Variants in WBP1L observed in about 807,000 individuals in gnomAD.
WBP1L encodes WW domain binding protein 1 like.
Under a neutral mutation model 33.7 loss-of-function variants are expected in WBP1L, and 17 were observed. That is an observed-to-expected ratio of 0.50 (90% CI 0.34 to 0.76). WBP1L has a LOEUF of 0.76. WBP1L is among the 30% of genes least tolerant of loss of function. The pLI is 0.01. For synonymous variants in WBP1L, 173 were observed against 190.8 expected (o/e 0.91, Z 0.77); for missense variants, 389 against 469.4 (o/e 0.83, Z 1.58).
chr10:102,804,827 G>T (rs551338307), intron 2 of WBP1L, among the ~76,000 whole-genome samples: 2 of 152,270 alleles, frequency 1.3e-5, no homozygotes, highest in South Asian at 4.1e-4. Flanking sequence ...TCATTAGTTA[G>T]ACTTAGTCCC....
At chr10:102,788,890 G>A (rs1383169093) in intron 1 of WBP1L, among the ~76,000 whole-genome samples, 5 of 152,182 alleles carry the variant, frequency 3.3e-5, no homozygotes, top group African/African-American at 1.2e-4. Flanking sequence ...CATAACCTAA[G>A]GGAGGGACTA....
chr10:102,788,559 C>CA (rs1284013145), intron 1 of WBP1L, among the ~76,000 whole-genome samples: 1 of 152,064 alleles, frequency 6.6e-6, no homozygotes, highest in Non-Finnish European at 1.5e-5. Flanking sequence ...TAGGATAGAA[C>CA]AAAAATAGCT....
At chr10:102,754,523 C>T (rs1480106770) in intron 1 of WBP1L, among the ~76,000 whole-genome samples, 6 of 152,138 alleles carry the variant, frequency 3.9e-5, no homozygotes, top group Admixed American at 2.0e-4. Flanking sequence ...CTCAGCCTCC[C>T]GAGTGGCTGG....
rs773641417 is a variant in WBP1L, at chr10:102,812,712, G to A, written c.473G>A (p.Cys158Tyr). Residue 158 changes from cysteine to tyrosine, a missense_variant, in exon 4 of 4, where the codon TGT becomes TAT. Transcript: ENST00000448841. Reference sequence around the variant, plus strand: ...CAGCAGCAGCTGCTGCCTCCACAGTGTGGCCCTGCAGGTGGCAGTCCCCCG... The same window carrying A: ...CAGCAGCAGCTGCTGCCTCCACAGTATGGCCCTGCAGGTGGCAGTCCCCCG... ...LQQQQLLPPQCGPAGGSPPGI... is the reference protein window; with the variant it reads ...LQQQQLLPPQYGPAGGSPPGI... 5 of 1,613,972 alleles carry A rather than the reference G, an allele frequency of 3.1e-6. No homozygotes were observed. In the South Asian group the frequency reaches 5.5e-5, roughly 18 times the overall value.
At chr10:102,783,218 G>A (rs1306211960) in intron 1 of WBP1L, among the ~76,000 whole-genome samples, 1 of 152,124 alleles carries the variant, frequency 6.6e-6, no homozygotes, top group Non-Finnish European at 1.5e-5. Context: ...GGCCAGGCTC[G>A]GCTTGTGCTG....
intron 2 of WBP1L, among the ~76,000 whole-genome samples, chr10:102,805,839 A>G (rs1046597022): frequency 4.6e-5 from 7 of 151,988 alleles, no homozygotes; most frequent in African/African-American, 1.4e-4. Context: ...TCAAGGCTGC[A>G]GTGAGCTGCG....
intron 2 of WBP1L, among the ~76,000 whole-genome samples, chr10:102,807,414 G>A (rs1449378766): frequency 1.3e-5 from 2 of 151,888 alleles, no homozygotes; most frequent in Non-Finnish European, 1.5e-5. Context: ...AATCTCACTC[G>A]GTTGCCAGGC....
Position 102,798,128 on chromosome 10 carries a change from C to T in WBP1L, c.193+33C>T, listed in dbSNP as rs550664569. On this transcript the variant is annotated intron_variant, in intron 2 of 3. Coordinates refer to ENST00000448841, the MANE Select transcript of WBP1L (RefSeq NM_001083913.2). ...CTTGCTTGGGTGCCTCTCAGTATCC[C>T]AGGGTCCCAGTTACTGCCTCTGCTT... is the stretch of plus-strand genomic sequence containing the variant. 11 of 1,584,974 alleles carry T rather than the reference C, an allele frequency of 6.9e-6. No homozygotes were observed. The South Asian group carries it at 8.9e-5, about 13-fold the overall frequency.
chr10:102,783,339 C>A (rs1303716473), intron 1 of WBP1L, among the ~76,000 whole-genome samples: 1 of 152,084 alleles, frequency 6.6e-6, no homozygotes, highest in African/African-American at 2.4e-5. Flanking sequence ...TTTGAAGGAC[C>A]CCTTCATGCT....
chr10:102,810,205 A>T, intron 3 of WBP1L, 151 bp downstream of exon 3: 1 of 1,088,684 alleles, frequency 9.2e-7, no homozygotes, highest in Non-Finnish European at 1.3e-6. Context: ...AAAGTACAGG[A>T]ACAAGGGGAC....
intron 1 of WBP1L, among the ~76,000 whole-genome samples, chr10:102,748,221 ACT>A (rs1180833261): frequency 6.6e-6 from 1 of 150,930 alleles, no homozygotes; most frequent in Non-Finnish European, 1.5e-5. Flanking sequence ...GCGCCACTGC[ACT>A]CTCCAGCCTG....
intron 1 of WBP1L, among the ~76,000 whole-genome samples, chr10:102,769,454 G>A (rs1234757472): frequency 6.7e-6 from 1 of 149,048 alleles, no homozygotes; most frequent in Non-Finnish European, 1.5e-5. Context: ...GCCTCACCAT[G>A]TTTATCATAG....
intron 1 of WBP1L, among the ~76,000 whole-genome samples, chr10:102,774,952 C>T (rs543726534): frequency 1.3e-5 from 2 of 151,140 alleles, no homozygotes; most frequent in Admixed American, 6.6e-5. Context: ...CATCTCTACA[C>T]AAAAAAACAA....
chr10:102,766,057 C>A (rs1032715885), intron 1 of WBP1L, among the ~76,000 whole-genome samples: 14 of 152,204 alleles, frequency 9.2e-5, no homozygotes, highest in African/African-American at 3.1e-4. Context: ...TTCCAAATTA[C>A]ATCTGGCCGA....
At chr10:102,782,386 A>T (rs922380037) in intron 1 of WBP1L, among the ~76,000 whole-genome samples, 1 of 151,960 alleles carries the variant, frequency 6.6e-6, no homozygotes, top group African/African-American at 2.4e-5. Flanking sequence ...CACTTCCTCC[A>T]GTGATAGCCC....
At chr10:102,800,649 C>G (rs1843643512) in intron 2 of WBP1L, among the ~76,000 whole-genome samples, 1 of 152,200 alleles carries the variant, frequency 6.6e-6, no homozygotes, top group Non-Finnish European at 1.5e-5. Flanking sequence ...GACATAAAAG[C>G]AAAACGCCCT....
intron 1 of WBP1L, among the ~76,000 whole-genome samples, chr10:102,758,361 A>G (rs1843001846): frequency 6.6e-6 from 1 of 152,190 alleles, no homozygotes; most frequent in East Asian, 1.9e-4. Flanking sequence ...AGCCATTAGC[A>G]TTCATTCCCC....
chr10:102,788,437 T>C (rs376590376), intron 1 of WBP1L, among the ~76,000 whole-genome samples: 1 of 151,968 alleles, frequency 6.6e-6, no homozygotes, highest in Non-Finnish European at 1.5e-5. Flanking sequence ...TGTAAAAATA[T>C]AGGTAAAAAT....
At chr10:102,797,377 G>A (rs559725528) in intron 1 of WBP1L, among the ~76,000 whole-genome samples, 1 of 152,288 alleles carries the variant, frequency 6.6e-6, no homozygotes, top group East Asian at 1.9e-4. Flanking sequence ...AACATGAAAT[G>A]TTTCTACTTG....
Sources: allele counts gnomAD v4.1 joint callset (sites outside exome capture counted in the v4.1 genomes callset), GRCh38; gene constraint gnomAD v4.1.1; transcripts MANE v1.5; gene names NCBI Gene and HGNC (gene_info 2026-07-23, HGNC 2026-07-21).